EYS: variants seen among roughly 807,000 people sequenced by gnomAD.
EYS encodes the protein protein eyes shut homolog.
EYS carries 250 observed loss-of-function variants against 282.1 expected under a neutral mutation model. That is an observed-to-expected ratio of 0.89 (90% CI 0.80 to 0.98). The LOEUF is 0.98. Ranked by LOEUF, EYS falls within the 50% of genes least tolerant of loss-of-function variation. EYS has a pLI of 0.00. For missense variants in EYS, 4,016 were observed against 3,709.0 expected, an observed-to-expected ratio of 1.08 and a Z score of -2.15; for synonymous variants, 1,355 against 1,282.9, an observed-to-expected ratio of 1.06 and a Z score of -1.20.
chr6:65,446,356 T>C (rs1768656198), intron 5 of EYS, among the ~76,000 whole-genome samples: 1 of 151,892 alleles, frequency 6.6e-6, no homozygotes, highest in Non-Finnish European at 1.5e-5. Flanking sequence ...ATAGTGTGTT[T>C]AAACTATATT....
chr6:63,920,831 C>G (rs1359665872), intron 35 of EYS, among the ~76,000 whole-genome samples: 3 of 152,108 alleles, frequency 2.0e-5, no homozygotes, highest in Admixed American at 6.5e-5. Flanking sequence ...AGTGGAGAAA[C>G]TCTTTGTGAC....
chr6:64,727,349 T>C (rs950078176), intron 22 of EYS, among the ~76,000 whole-genome samples: 1 of 152,214 alleles, frequency 6.6e-6, no homozygotes. Context: ...ATTCTGGTAC[T>C]TAAAAAATTT....
intron 12 of EYS, among the ~76,000 whole-genome samples, chr6:65,223,425 G>T (rs1766526657): frequency 6.6e-6 from 1 of 152,044 alleles, no homozygotes; most frequent in Admixed American, 6.6e-5. Context: ...ATTAACAAGA[G>T]AACATATGAC....
rs139008266 is a variant in EYS at position 65,043,755 on chromosome 6, A to G, written c.2137+13859T>C. 2.0e-5 allele frequency among the ~76,000 whole-genome samples: 3 copies of G among 151,686 alleles called. No homozygotes were observed. The East Asian group carries it at 5.8e-4, about 30-fold the overall frequency. Reference sequence around the variant, plus strand: ...TAATATTTCATTTATGCATATATATATATGACATTTTATTTATCCATTCTT... The same window carrying G: ...TAATATTTCATTTATGCATATATATGTATGACATTTTATTTATCCATTCTT... On this transcript the variant is annotated intron_variant, in intron 13 of 42. Transcript: ENST00000503581.
intron 1 of EYS, among the ~76,000 whole-genome samples, chr6:65,678,768 G>A (rs1768715974): frequency 7.0e-6 from 1 of 142,902 alleles, no homozygotes. Context: ...TAGAAAAAAA[G>A]AAATTATCCA....
chr6:64,902,258 A>G (rs1767691651), intron 17 of EYS, 38 bp from the exon 18 acceptor site: 1 of 1,423,510 alleles, frequency 7.0e-7, no homozygotes, highest in African/African-American at 1.4e-5. Context: ...ATTAGTATAT[A>G]TGTATAAAAT....
chr6:65,086,382 T>A (rs138103857), intron 12 of EYS, among the ~76,000 whole-genome samples: 1 of 152,290 alleles, frequency 6.6e-6, no homozygotes, highest in Non-Finnish European at 1.5e-5. Context: ...AGCAGCTTCT[T>A]TCTTCTAAGC....
intron 11 of EYS, among the ~76,000 whole-genome samples, chr6:65,325,238 C>T (rs1488485830): frequency 6.6e-6 from 1 of 152,004 alleles, no homozygotes; most frequent in Non-Finnish European, 1.5e-5. Context: ...CCTCCTCATC[C>T]TTCTTCATCT....
chr6:65,132,231 A>T (rs1581938990), intron 12 of EYS, among the ~76,000 whole-genome samples: 1 of 152,046 alleles, frequency 6.6e-6, no homozygotes, highest in East Asian at 1.9e-4. Flanking sequence ...CATCATTCTG[A>T]TACCAAAACC....
At chr6:64,880,866 G>A (rs772712389) in intron 19 of EYS, among the ~76,000 whole-genome samples, 1 of 149,404 alleles carries the variant, frequency 6.7e-6, no homozygotes, top group African/African-American at 2.5e-5. Flanking sequence ...CTATACACAC[G>A]CTCTAGTATG....
intron 30 of EYS, among the ~76,000 whole-genome samples, chr6:64,299,477 C>T (rs1433458753): frequency 1.3e-5 from 2 of 152,268 alleles, no homozygotes; most frequent in South Asian, 4.1e-4. Flanking sequence ...GGTGGTGCCT[C>T]GTGTGAGGAA....
At chr6:65,595,792 C>G (rs1765383794) in intron 2 of EYS, among the ~76,000 whole-genome samples, 1 of 152,054 alleles carries the variant, frequency 6.6e-6, no homozygotes, top group Admixed American at 6.6e-5. Flanking sequence ...AGGTGACCGC[C>G]AATGATCTCT....
chr6:64,263,780 T>C (rs1361813593), intron 30 of EYS, among the ~76,000 whole-genome samples: 2 of 152,098 alleles, frequency 1.3e-5, no homozygotes, highest in Non-Finnish European at 2.9e-5. Flanking sequence ...CAGAAGGTAG[T>C]GTGATACCTA....
intron 26 of EYS, among the ~76,000 whole-genome samples, chr6:64,442,248 G>A (rs576166015): frequency 6.6e-6 from 1 of 152,136 alleles, no homozygotes. Context: ...CCAGAGAATT[G>A]TAGAACTTTG....
Position 65,569,240 on chromosome 6 carries a change from A to AC in EYS, c.-333+70537dup, listed in dbSNP as rs1461872951. 2.0e-5 allele frequency among the ~76,000 whole-genome samples: 3 copies of AC among 151,236 alleles called. No individual in the cohort carries two copies. The East Asian group carries it at 5.9e-4, about 30-fold the overall frequency. On this transcript the variant is annotated intron_variant, in intron 2 of 42. Transcript: ENST00000503581. ...CCCCCGCCCCTGCCCAGGGAGAACTACCCCCTTTGACTGTAATTTTCCTTT... is the reference window on the plus strand; with the variant it reads ...CCCCCGCCCCTGCCCAGGGAGAACTACCCCCCTTTGACTGTAATTTTCCTTT...
At chr6:64,345,487 T>G (rs908315995) in intron 29 of EYS, among the ~76,000 whole-genome samples, 2 of 152,120 alleles carry the variant, frequency 1.3e-5, no homozygotes, top group African/African-American at 4.8e-5. Flanking sequence ...CTGGGAAAAC[T>G]GGCTAGCCAT....
chr6:64,477,920 A>G (rs779993750), intron 26 of EYS, among the ~76,000 whole-genome samples: 4 of 152,100 alleles, frequency 2.6e-5, no homozygotes, highest in Admixed American at 2.0e-4. Context: ...CAAACAATCC[A>G]TAGTCTTTCC....
intron 15 of EYS, among the ~76,000 whole-genome samples, chr6:64,923,411 C>T (rs759645091): frequency 1.3e-5 from 2 of 152,152 alleles, no homozygotes; most frequent in Non-Finnish European, 2.9e-5. Context: ...CTGGGATATA[C>T]AATTCAAGTT....
At chr6:64,875,591 A>G (rs973882109) in intron 19 of EYS, among the ~76,000 whole-genome samples, 2 of 152,080 alleles carry the variant, frequency 1.3e-5, no homozygotes, top group African/African-American at 4.8e-5. Flanking sequence ...CCATCCATGT[A>G]TAGAAAGAAA....
Sources: gnomAD v4.1 joint callset for allele counts (sites outside exome capture counted in the v4.1 genomes callset) on GRCh38, gnomAD v4.1.1 for gene constraint, MANE v1.5 for transcripts, NCBI Gene and HGNC (gene_info 2026-07-23, HGNC 2026-07-21) for gene names.